Variants in SLC6A6 observed in about 807,000 individuals in gnomAD.
The protein encoded by SLC6A6 is sodium- and chloride-dependent taurine transporter.
Under a neutral mutation model 68.8 loss-of-function variants are expected in SLC6A6, and 16 were observed. That is an observed-to-expected ratio of 0.23 (90% CI 0.16 to 0.35). The LOEUF is 0.35. Ranked by LOEUF, SLC6A6 falls within the 10% of genes least tolerant of loss-of-function variation. The pLI is 1.00. For synonymous variants in SLC6A6, 312 were observed against 315.4 expected (o/e 0.99, Z 0.12); for missense variants, 474 against 802.8 (o/e 0.59, Z 4.95).
chr3:14,425,697 G>A (rs999375071), intron 2 of SLC6A6, among the ~76,000 whole-genome samples: 2 of 148,528 alleles, frequency 1.3e-5, no homozygotes, highest in African/African-American at 5.0e-5. Flanking sequence ...GAGGTGAGGG[G>A]TGGGTGGGGG....
At chr3:14,405,189 A>G (rs1357404593) in intron 1 of SLC6A6, among the ~76,000 whole-genome samples, 1 of 152,154 alleles carries the variant, frequency 6.6e-6, no homozygotes, top group African/African-American at 2.4e-5. Flanking sequence ...AGGGCAGGAA[A>G]GTGAGCCTAT....
At chr3:14,411,220 G>A (rs1409136431) in intron 1 of SLC6A6, 4 of 152,280 alleles carry the variant, frequency 2.6e-5, no homozygotes, top group African/African-American at 4.8e-5. Context: ...GGCCCTTCAC[G>A]ATCTGGCTCT....
chr3:14,418,970 TGAG>T (rs981760934), intron 2 of SLC6A6, among the ~76,000 whole-genome samples: 1 of 152,180 alleles, frequency 6.6e-6, no homozygotes, highest in African/African-American at 2.4e-5. Context: ...TCCTGGTTAA[TGAG>T]TAGTCAAAGC....
rs1226884042 is a variant in SLC6A6, at chr3:14,450,489, C to A, written c.599+2673C>A. On this transcript the variant is annotated intron_variant, in intron 5 of 14. Coordinates refer to ENST00000622186, the MANE Select transcript of SLC6A6 (RefSeq NM_003043.6). The surrounding 1 kb of genome is among the most constrained non-coding windows in gnomAD (Gnocchi z 4.1). ...CTGGCTGCCAGCTTGGTACTCACCTCCCACTCCAGCTCTCACACCTCTCCT... is the reference window on the plus strand; with the variant it reads ...CTGGCTGCCAGCTTGGTACTCACCTACCACTCCAGCTCTCACACCTCTCCT... Among the ~76,000 whole-genome samples, 1 of 152,222 alleles carries A rather than the reference C, an allele frequency of 6.6e-6. No individual in the cohort carries two copies. Among genetic ancestry groups the A allele is most frequent in the African/African-American group, 2.4e-5 (1 of 41,452 alleles).
rs1308681851 is a variant in SLC6A6, at chr3:14,478,665, T to G, written c.1450+97T>G. 1.3e-5 allele frequency: 11 copies of G among 815,778 alleles called. No homozygotes were observed. Among genetic ancestry groups the G allele is most frequent in the East Asian group, 2.4e-5 (1 of 41,166 alleles). The allele number at this position is 815,778 out of a possible 1,614,324, so 50.5% of individuals were successfully genotyped here. On this transcript the variant is annotated intron_variant, in intron 12 of 14. Coordinates refer to ENST00000622186, the MANE Select transcript of SLC6A6 (RefSeq NM_003043.6). ...CAGAGAATACTAACAGAAATTCAAT[T>G]TGAGTTGAACAGTAGGCCCTCCCTA...
chr3:14,478,362 C>T, intron 11 of SLC6A6, 104 bp from the exon 12 acceptor site: 1 of 713,692 alleles, frequency 1.4e-6, no homozygotes, highest in South Asian at 1.6e-5. Context: ...GTCCATTTTT[C>T]TCTTGGGTTT....
intron 6 of SLC6A6, among the ~76,000 whole-genome samples, chr3:14,463,704 GC>G (rs1173067912): frequency 6.6e-6 from 1 of 152,152 alleles, no homozygotes; most frequent in Admixed American, 6.5e-5. Context: ...TTCCTGATGT[GC>G]CCCCGCCCTC....
rs188475409 is a variant in SLC6A6, at chr3:14,409,059, C to T, written c.-54+6212C>T. On this transcript the variant is annotated intron_variant, in intron 1 of 14. Transcript: ENST00000622186. ...TCCTGACCTGGTGATCTGCCCGCCTCGGCCTCCCAAAGTGCTGGGATTACT... is the reference window on the plus strand; with the variant it reads ...TCCTGACCTGGTGATCTGCCCGCCTTGGCCTCCCAAAGTGCTGGGATTACT... 6.2e-3 allele frequency among the ~76,000 whole-genome samples: 945 copies of T among 152,336 alleles called. 11 individuals are homozygous for T. Among genetic ancestry groups the T allele is most frequent in the African/African-American group, 0.021 (859 of 41,572 alleles).
chr3:14,465,092 A>G (rs1574955486), intron 6 of SLC6A6, among the ~76,000 whole-genome samples: 1 of 152,042 alleles, frequency 6.6e-6, no homozygotes, highest in African/African-American at 2.4e-5. Context: ...GGACGTTCCT[A>G]CTCAGCCAGT....
At chr3:14,446,427 A>C (rs1396926009) in intron 4 of SLC6A6, among the ~76,000 whole-genome samples, 1 of 152,174 alleles carries the variant, frequency 6.6e-6, no homozygotes, top group Non-Finnish European at 1.5e-5. Context: ...GCGGGGAGCA[A>C]GGGCTGAAAG....
rs1237134161 is a variant in SLC6A6 at position 14,486,548 on chromosome 3, C to T, written c.*1541C>T. The T allele has an allele frequency of 6.6e-6, 1 of 152,392 alleles. No homozygotes were observed. The highest frequency in any genetic ancestry group is 2.4e-5 in the African/African-American group (1 of 41,388). The allele number at this position is 152,392 out of a possible 1,614,324, so 9.4% of individuals were successfully genotyped here. On this transcript the variant is annotated 3_prime_UTR_variant, in exon 15 of 15. Transcript: ENST00000622186. ...TGTGGAGCAGAGGTTGTCTCTGAACCAGGAGAGAAGGTACTATACCTTTCA... is the reference window on the plus strand; with the variant it reads ...TGTGGAGCAGAGGTTGTCTCTGAACTAGGAGAGAAGGTACTATACCTTTCA...
At chr3:14,414,527 T>G (rs1031038799) in intron 1 of SLC6A6, among the ~76,000 whole-genome samples, 1 of 151,936 alleles carries the variant, frequency 6.6e-6, no homozygotes, top group Admixed American at 6.6e-5. Context: ...TATTCTTTTT[T>G]TTTTCTTTTT....
At chr3:14,427,019 T>TC (rs780604395) in intron 2 of SLC6A6, among the ~76,000 whole-genome samples, 40 of 152,116 alleles carry the variant, frequency 2.6e-4, no homozygotes, top group Non-Finnish European at 5.4e-4. Flanking sequence ...AAACACAGCC[T>TC]CCCAGCACCC....
At chr3:14,436,100 T>A (rs537819674) in intron 2 of SLC6A6, among the ~76,000 whole-genome samples, 48 of 152,358 alleles carry the variant, frequency 3.2e-4, no homozygotes, top group African/African-American at 1.2e-3. Context: ...GGTGTACTTT[T>A]AAAATATATA....
chr3:14,485,338 A>C lies in SLC6A6; in HGVS notation c.*331A>C, dbSNP rs1235218279. 1 of 182,458 alleles carries C rather than the reference A, an allele frequency of 5.5e-6. No individual in the cohort carries two copies. The highest frequency in any genetic ancestry group is 1.1e-5 in the Non-Finnish European group (1 of 87,418). 11.3% of individuals were successfully genotyped at this position (182,458 alleles called of 1,614,324 possible). On this transcript the variant is annotated 3_prime_UTR_variant, in exon 15 of 15. Coordinates refer to ENST00000622186, the MANE Select transcript of SLC6A6 (RefSeq NM_003043.6). The stretch of plus-strand genomic sequence containing the variant: ...TGTATTTTTTTTTTTACATATAAGT[A>C]TATATACACTTAGAGATTGTCATAT...
intron 5 of SLC6A6, among the ~76,000 whole-genome samples, chr3:14,456,571 T>A (rs1222682797): frequency 6.6e-6 from 1 of 152,064 alleles, no homozygotes; most frequent in East Asian, 1.9e-4. Context: ...CTAAAAAAAA[T>A]AAAATAAAAA....
At chr3:14,409,052 C>T (rs1368181121) in intron 1 of SLC6A6, among the ~76,000 whole-genome samples, 3 of 152,224 alleles carry the variant, frequency 2.0e-5, no homozygotes, top group Non-Finnish European at 2.9e-5. Flanking sequence ...TGGTGATCTG[C>T]CCGCCTCGGC....
intron 1 of SLC6A6, among the ~76,000 whole-genome samples, chr3:14,409,244 A>G (rs1292726578): frequency 2.0e-5 from 3 of 152,196 alleles, no homozygotes; most frequent in Non-Finnish European, 2.9e-5. Context: ...GCCAGCCTGC[A>G]TTTGGGAGCC....
intron 2 of SLC6A6, among the ~76,000 whole-genome samples, chr3:14,438,137 G>A (rs1559295247): frequency 1.3e-5 from 2 of 151,610 alleles, no homozygotes; most frequent in South Asian, 2.1e-4. Flanking sequence ...GAGCCACCAC[G>A]CCTGGCCCAC....
Sources: gnomAD v4.1 joint callset for allele counts (sites outside exome capture counted in the v4.1 genomes callset) on GRCh38, gnomAD v4.1.1 for gene constraint, Gnocchi (gnomAD v3.1) non-coding constraint, MANE v1.5 for transcripts, NCBI Gene and HGNC (gene_info 2026-07-23, HGNC 2026-07-21) for gene names.